REDIC1: variants seen among roughly 807,000 people sequenced by gnomAD.
REDIC1 encodes the protein HEI10 Interacting Protein 1.
chr12:39,699,820 CA>C, the REDIC1 span, among the ~76,000 whole-genome samples: 2 of 152,162 alleles, frequency 1.3e-5, no homozygotes, highest in Non-Finnish European at 2.9e-5. Flanking sequence ...GAGGCACCCC[CA>C]AGCAGTGGTA....
At chr12:39,742,389 A>T in the REDIC1 span, among the ~76,000 whole-genome samples, 36 of 152,336 alleles carry the variant, frequency 2.4e-4, no homozygotes, top group Non-Finnish European at 1.6e-4. Context: ...GAACTCTAAC[A>T]TCTAACAATT....
At chr12:39,864,922 ATATTG>A in the REDIC1 span, 1 of 1,574,796 alleles carries the variant, frequency 6.4e-7, no homozygotes, top group African/African-American at 1.4e-5. Flanking sequence ...AGAGTTGACA[ATATTG>A]TTTTAAGGCA....
the REDIC1 span, chr12:39,647,037 G>T: frequency 1.9e-6 from 1 of 533,552 alleles, no homozygotes; most frequent in Non-Finnish European, 3.2e-6. Context: ...AGAAATCTAT[G>T]CCTTAAGAAT....
chr12:39,710,829 C>A, the REDIC1 span, among the ~76,000 whole-genome samples: 1 of 151,540 alleles, frequency 6.6e-6, no homozygotes, highest in Non-Finnish European at 1.5e-5. Flanking sequence ...CCATGTGTCT[C>A]TAATAACTAT....
the REDIC1 span, among the ~76,000 whole-genome samples, chr12:39,702,850 T>C: frequency 6.6e-6 from 1 of 152,166 alleles, no homozygotes; most frequent in Admixed American, 6.5e-5. Flanking sequence ...ATTATCTCAA[T>C]AGATGCAGAA....
chr12:39,713,586 A>T, the REDIC1 span, among the ~76,000 whole-genome samples: 1 of 149,658 alleles, frequency 6.7e-6, no homozygotes, highest in Admixed American at 6.7e-5. Context: ...ATGTATACAC[A>T]TGTATAGATA....
the REDIC1 span, among the ~76,000 whole-genome samples, chr12:39,801,242 A>G: frequency 8.3e-5 from 5 of 60,606 alleles, no homozygotes; most frequent in African/African-American, 2.0e-4. Context: ...AACTTAGAGT[A>G]TAATTAAAAA....
the REDIC1 span, among the ~76,000 whole-genome samples, chr12:39,711,739 G>A: frequency 7.7e-6 from 1 of 130,662 alleles, no homozygotes; most frequent in African/African-American, 2.8e-5. Flanking sequence ...ATGTGTGTAT[G>A]TGTGTATACA....
the REDIC1 span, chr12:39,756,662 T>G: frequency 3.3e-5 from 5 of 151,736 alleles, no homozygotes; most frequent in African/African-American, 7.2e-5. Flanking sequence ...TTCTAATATA[T>G]TTTCAATATT....
the REDIC1 span, among the ~76,000 whole-genome samples, chr12:39,812,068 G>C: frequency 2.6e-5 from 4 of 152,088 alleles, no homozygotes; most frequent in Non-Finnish European, 5.9e-5. Context: ...AGACTGGATG[G>C]CTCTTACACA....
the REDIC1 span, among the ~76,000 whole-genome samples, chr12:39,796,992 C>T: frequency 1.5e-4 from 23 of 152,036 alleles, no homozygotes; most frequent in Non-Finnish European, 2.5e-4. Context: ...GTTTTATGTT[C>T]GACATCAGTG....
the REDIC1 span, among the ~76,000 whole-genome samples, chr12:39,899,628 A>G: frequency 6.6e-6 from 1 of 151,234 alleles, no homozygotes; most frequent in Non-Finnish European, 1.5e-5. Flanking sequence ...AGTGCTATAA[A>G]TTTCCCTCTA....
At chr12:39,700,370 A>T in the REDIC1 span, among the ~76,000 whole-genome samples, 1 of 152,198 alleles carries the variant, frequency 6.6e-6, no homozygotes, top group Admixed American at 6.5e-5. Flanking sequence ...ATGAAGCGAG[A>T]AGGGAAGTTT....
the REDIC1 span, among the ~76,000 whole-genome samples, chr12:39,717,221 T>C: frequency 6.6e-6 from 1 of 151,426 alleles, no homozygotes; most frequent in Non-Finnish European, 1.5e-5. Flanking sequence ...GGGTTAGGGA[T>C]GCTGCCCAGT....
chr12:39,785,249 G>A, the REDIC1 span, among the ~76,000 whole-genome samples: 1 of 152,174 alleles, frequency 6.6e-6, no homozygotes, highest in East Asian at 1.9e-4. Flanking sequence ...CATGCTGTGT[G>A]CAGCCTAGAG....
chr12:39,681,929 TAAG>T, the REDIC1 span, among the ~76,000 whole-genome samples: 9 of 152,284 alleles, frequency 5.9e-5, no homozygotes, highest in South Asian at 1.9e-3. Flanking sequence ...GACAATAAAA[TAAG>T]AAACATCTTG....
the REDIC1 span, among the ~76,000 whole-genome samples, chr12:39,668,751 T>TA: frequency 6.6e-6 from 1 of 151,388 alleles, no homozygotes; most frequent in East Asian, 1.9e-4. Context: ...GCTTTGTTCA[T>TA]TTTTTTTTGT....
At chr12:39,743,937 C>G in the REDIC1 span, among the ~76,000 whole-genome samples, 1 of 152,012 alleles carries the variant, frequency 6.6e-6, no homozygotes, top group African/African-American at 2.4e-5. Flanking sequence ...GCAATAATGG[C>G]TCAGAATTTC....
the REDIC1 span, among the ~76,000 whole-genome samples, chr12:39,891,592 C>T: frequency 6.6e-6 from 1 of 152,096 alleles, no homozygotes; most frequent in Non-Finnish European, 1.5e-5. Flanking sequence ...AAGATTAAGG[C>T]AGGAACTTGG....
Sources: gnomAD v4.1 joint callset for allele counts (sites outside exome capture counted in the v4.1 genomes callset) on GRCh38, gnomAD v4.1.1 for gene constraint, MANE v1.5 for transcripts, NCBI Gene and HGNC (gene_info 2026-07-23, HGNC 2026-07-21) for gene names.